Variants in PHF14 observed in about 807,000 individuals in gnomAD.
PHF14 encodes PHD finger protein 14.
In PHF14, 55 loss-of-function variants were observed where a neutral mutation model predicts 117.9. The observed-to-expected ratio is 0.47, with a 90% confidence interval of 0.38 to 0.58. The LOEUF (loss-of-function observed/expected upper bound fraction) is 0.58, where lower values mean the gene tolerates loss of function less well. PHF14 is among the 20% of genes least tolerant of loss of function. The pLI is 0.00. For synonymous variants in PHF14, 409 were observed against 368.6 expected (o/e 1.11, Z -1.26); for missense variants, 978 against 1,122.2 (o/e 0.87, Z 1.84).
At chr7:11,032,681 C>A (rs1784160784) in intron 7 of PHF14, among the ~76,000 whole-genome samples, 1 of 152,110 alleles carries the variant, frequency 6.6e-6, no homozygotes. Flanking sequence ...TCACAGGCCC[C>A]AGCATTTACT....
intron 16 of PHF14, among the ~76,000 whole-genome samples, chr7:11,075,080 G>C (rs530000075): frequency 5.3e-5 from 8 of 151,838 alleles, no homozygotes; most frequent in African/African-American, 1.9e-4. Flanking sequence ...TGGGACTACA[G>C]ACACATGCCA....
intron 17 of PHF14, among the ~76,000 whole-genome samples, chr7:11,140,553 A>G (rs747295419): frequency 3.9e-5 from 6 of 152,088 alleles, no homozygotes; most frequent in Non-Finnish European, 5.9e-5. Flanking sequence ...TTTTGTGATG[A>G]GATCTTTCAT....
chr7:11,038,950 G>A (rs867944117), intron 11 of PHF14, 95 bp downstream of exon 11: 3 of 514,922 alleles, frequency 5.8e-6, no homozygotes, highest in East Asian at 3.5e-5. Flanking sequence ...TTGACTAACC[G>A]AAGAATTCTG....
chr7:11,122,348 TATATAC>T (rs1562476347), intron 17 of PHF14, among the ~76,000 whole-genome samples: 1 of 61,610 alleles, frequency 1.6e-5, no homozygotes, highest in African/African-American at 9.3e-5. Context: ...TATATATATA[TATATAC>T]ACACACACAC....
At chr7:11,111,609 A>G (rs1172601358) in intron 17 of PHF14, 142 bp downstream of exon 17, 10 of 438,910 alleles carry the variant, frequency 2.3e-5, no homozygotes, top group South Asian at 1.2e-4. Flanking sequence ...ATATATTGCT[A>G]TGGTTATTTT....
intron 3 of PHF14, among the ~76,000 whole-genome samples, chr7:10,988,484 A>G (rs532059186): frequency 6.6e-6 from 1 of 151,092 alleles, no homozygotes; most frequent in South Asian, 2.1e-4. Context: ...AAAGACATGT[A>G]GCATCCTAAT....
chr7:11,008,909 G>C (rs933897846), intron 4 of PHF14, among the ~76,000 whole-genome samples: 1 of 151,544 alleles, frequency 6.6e-6, no homozygotes, highest in Non-Finnish European at 1.5e-5. Context: ...GGTGGTGGGC[G>C]CCTGTAGTCC....
At chr7:10,999,969 G>A (rs73678546) in intron 4 of PHF14, among the ~76,000 whole-genome samples, 3,081 of 152,210 alleles carry the variant, frequency 0.02, 120 homozygotes, top group African/African-American at 0.071. Flanking sequence ...ATTAGAATTG[G>A]AGACCTATTT....
chr7:11,063,726 A>T (rs985630425), intron 16 of PHF14: 4 of 870,528 alleles, frequency 4.6e-6, no homozygotes, highest in Non-Finnish European at 5.5e-6. Flanking sequence ...TTTTATTTTA[A>T]AAATCAGTTT....
intron 4 of PHF14, among the ~76,000 whole-genome samples, chr7:11,010,998 A>G (rs1171535816): frequency 6.6e-6 from 1 of 152,188 alleles, no homozygotes; most frequent in Admixed American, 6.5e-5. Context: ...AAACCTTTGA[A>G]TAGCATAAGG....
intron 4 of PHF14, among the ~76,000 whole-genome samples, chr7:11,005,991 A>T (rs1169345725): frequency 1.2e-4 from 18 of 151,690 alleles, no homozygotes; most frequent in South Asian, 2.1e-4. Context: ...ACGGGGTTTC[A>T]CCATGTTGGC....
chr7:11,068,889 CTT>C (rs1267465429), intron 16 of PHF14, among the ~76,000 whole-genome samples: 1 of 151,906 alleles, frequency 6.6e-6, no homozygotes, highest in Middle Eastern at 3.2e-3. Context: ...CTCAGATAGT[CTT>C]TATTTTTTCT....
chr7:10,987,941 G>A (rs867775336), intron 3 of PHF14, among the ~76,000 whole-genome samples: 3 of 149,182 alleles, frequency 2.0e-5, no homozygotes, highest in Non-Finnish European at 3.0e-5. Flanking sequence ...GCTTGAACCC[G>A]GGAGGTGGAG....
intron 5 of PHF14, among the ~76,000 whole-genome samples, chr7:11,019,570 C>T (rs1167878938): frequency 6.6e-6 from 1 of 152,056 alleles, no homozygotes; most frequent in East Asian, 1.9e-4. Flanking sequence ...TGAATTTCTG[C>T]AATATCAGTT....
intron 17 of PHF14, among the ~76,000 whole-genome samples, chr7:11,124,062 T>G (rs1787852671): frequency 7.8e-6 from 1 of 128,342 alleles, no homozygotes. Context: ...TTCTTTTTTC[T>G]AACTCCACTT....
chr7:10,996,442 A>G (rs1360211983), intron 4 of PHF14, among the ~76,000 whole-genome samples: 1 of 152,162 alleles, frequency 6.6e-6, no homozygotes, highest in Non-Finnish European at 1.5e-5. Context: ...ATGGCCAGTG[A>G]GATATGAGGA....
At chr7:10,992,626 G>A (rs1782502375) in intron 4 of PHF14, among the ~76,000 whole-genome samples, 1 of 152,040 alleles carries the variant, frequency 6.6e-6, no homozygotes, top group African/African-American at 2.4e-5. Flanking sequence ...TGGTGCCACT[G>A]TACTCCAGCC....
chr7:11,156,164 G>A (rs1377515068), intron 17 of PHF14, among the ~76,000 whole-genome samples: 1 of 152,158 alleles, frequency 6.6e-6, no homozygotes, highest in Non-Finnish European at 1.5e-5. Context: ...TAAAAGCAAA[G>A]TAGTAGCTAA....
At chr7:11,102,635 G>A (rs1306203912) in intron 16 of PHF14, 1 of 1,509,614 alleles carries the variant, frequency 6.6e-7, no homozygotes, top group African/African-American at 1.4e-5. Flanking sequence ...CTTTCTATAA[G>A]CTTGTCACTG....
Sources: gnomAD v4.1 joint callset for allele counts (sites outside exome capture counted in the v4.1 genomes callset) on GRCh38, gnomAD v4.1.1 for gene constraint, MANE v1.5 for transcripts, NCBI Gene and HGNC (gene_info 2026-07-23, HGNC 2026-07-21) for gene names.